Variants in RBPJ observed in about 807,000 individuals in gnomAD.
The protein encoded by RBPJ is recombining binding protein suppressor of hairless.
RBPJ carries 9 observed loss-of-function variants against 67.8 expected under a neutral mutation model. That is an observed-to-expected ratio of 0.13 (90% CI 0.08 to 0.23). The LOEUF (loss-of-function observed/expected upper bound fraction) is 0.23. Ranked by LOEUF, RBPJ falls within the 10% of genes least tolerant of loss-of-function variation. The pLI is 1.00. For missense variants in RBPJ, 305 were observed against 595.6 expected (o/e 0.51, Z 5.08); for synonymous variants, 198 against 203.3 (o/e 0.97, Z 0.22).
intron 1 of RBPJ, among the ~76,000 whole-genome samples, chr4:26,308,118 T>C (rs2109304935): frequency 6.6e-6 from 1 of 152,120 alleles, no homozygotes; most frequent in Admixed American, 6.5e-5. Flanking sequence ...CTACTAAAAA[T>C]ACAAAAAATT....
At chr4:26,114,478 C>CATATATATATATATATATATATATAT in the RBPJ span, among the ~76,000 whole-genome samples, 357 of 122,922 alleles carry the variant, frequency 2.9e-3, 4 homozygotes, top group Non-Finnish European at 4.5e-3. Flanking sequence ...AAAGAATGTA[C>CATATATATATATATATATATATATAT]ATATATATAT....
chr4:26,119,641 C>T, the RBPJ span, among the ~76,000 whole-genome samples: 1 of 152,174 alleles, frequency 6.6e-6, no homozygotes, highest in Non-Finnish European at 1.5e-5. Flanking sequence ...TTTTGGTTCA[C>T]CCATGATGTT....
chr4:26,327,003 G>C (rs1723691996), intron 1 of RBPJ, among the ~76,000 whole-genome samples: 1 of 152,098 alleles, frequency 6.6e-6, no homozygotes, highest in Non-Finnish European at 1.5e-5. Flanking sequence ...CAGCTTTTTG[G>C]GGTCTATTTC....
intron 1 of RBPJ, among the ~76,000 whole-genome samples, chr4:26,373,915 C>CTTTTTTTTTTTT (rs765161799): frequency 1.8e-5 from 2 of 113,286 alleles, no homozygotes; most frequent in Non-Finnish European, 3.5e-5. Flanking sequence ...TTATTTTTTA[C>CTTTTTTTTTTTT]TTTTTTTTTT....
At chr4:26,146,609 A>C in the RBPJ span, among the ~76,000 whole-genome samples, 1 of 152,184 alleles carries the variant, frequency 6.6e-6, no homozygotes, top group African/African-American at 2.4e-5. Context: ...CAAGCACAAG[A>C]CTGGGAGAAA....
chr4:26,288,772 T>C (rs1721564544), intron 1 of RBPJ, among the ~76,000 whole-genome samples: 1 of 152,206 alleles, frequency 6.6e-6, no homozygotes, highest in Admixed American at 6.5e-5. Context: ...TGTTTTCTCA[T>C]TGGGTTGTCA....
upstream of RBPJ, among the ~76,000 whole-genome samples, chr4:26,160,348 C>G (rs1251402375): frequency 6.6e-6 from 1 of 152,158 alleles, no homozygotes; most frequent in Non-Finnish European, 1.5e-5. Context: ...CAATTAGGTG[C>G]CCAAGTGTCA....
chr4:26,219,763 G>GT (rs1168574433), intron 1 of RBPJ, among the ~76,000 whole-genome samples: 25 of 151,748 alleles, frequency 1.6e-4, no homozygotes, highest in African/African-American at 2.9e-4. Context: ...GCAGAGTCAG[G>GT]TTTTTTTTGT....
intron 3 of RBPJ, among the ~76,000 whole-genome samples, chr4:26,412,652 C>T (rs571724531): frequency 5.9e-5 from 9 of 152,176 alleles, no homozygotes; most frequent in Non-Finnish European, 1.2e-4. Flanking sequence ...AATACACAAC[C>T]TGTACTAAAA....
rs1160954965 is a variant in RBPJ at position 26,235,738 on chromosome 4, T to A, written c.-167+72124T>A. 3.9e-5 allele frequency among the ~76,000 whole-genome samples: 6 copies of A among 152,238 alleles called. No individual in the cohort carries two copies. The East Asian group carries it at 1.2e-3, about 29-fold the overall frequency. On this transcript the variant is annotated intron_variant, in intron 1 of 4. Coordinates refer to the RBPJ transcript ENST00000512351. ...CAGTGTAAACCATACTCAGAAATTA[T>A]GTTTTCCTGTCCTTTGCTCTCCAAG...
chr4:26,116,557 C>T, the RBPJ span, among the ~76,000 whole-genome samples: 26 of 152,346 alleles, frequency 1.7e-4, no homozygotes, highest in East Asian at 4.8e-3. Context: ...TGGGACTGTC[C>T]TCTCAGCTCC....
intron 1 of RBPJ, among the ~76,000 whole-genome samples, chr4:26,281,518 G>A (rs879918653): frequency 2.6e-5 from 4 of 152,068 alleles, no homozygotes; most frequent in East Asian, 1.9e-4. Context: ...GACCTCAGGC[G>A]ATCCACTCGC....
At chr4:26,408,957 T>G (rs1000569251) in intron 3 of RBPJ, among the ~76,000 whole-genome samples, 65 of 152,238 alleles carry the variant, frequency 4.3e-4, no homozygotes, top group Non-Finnish European at 2.5e-4. Context: ...ATTACCTAGG[T>G]GAGATTGGGC....
chr4:26,394,705 A>T (rs1253704359), intron 2 of RBPJ, among the ~76,000 whole-genome samples: 1 of 152,038 alleles, frequency 6.6e-6, no homozygotes, highest in African/African-American at 2.4e-5. Flanking sequence ...TAAAAAAGAG[A>T]TATTATTCGA....
intron 1 of RBPJ, among the ~76,000 whole-genome samples, chr4:26,191,070 T>A (rs2109140371): frequency 7.3e-6 from 1 of 137,868 alleles, no homozygotes; most frequent in African/African-American, 2.8e-5. Flanking sequence ...GATGATCACA[T>A]GAGCCCAGTA....
At chr4:26,151,760 ATC>A in the RBPJ span, among the ~76,000 whole-genome samples, 4 of 152,140 alleles carry the variant, frequency 2.6e-5, no homozygotes, top group East Asian at 1.9e-4. Context: ...GTCATTACAA[ATC>A]TCTGTTTGTT....
At chr4:26,360,775 T>C (rs1200326542) in intron 1 of RBPJ, among the ~76,000 whole-genome samples, 1 of 151,234 alleles carries the variant, frequency 6.6e-6, no homozygotes, top group Admixed American at 6.6e-5. Flanking sequence ...ATTTTTTTTT[T>C]CTTTTGGTAT....
At chr4:26,385,081 C>T (rs1331676891) in intron 1 of RBPJ, among the ~76,000 whole-genome samples, 3 of 145,988 alleles carry the variant, frequency 2.1e-5, no homozygotes, top group Non-Finnish European at 3.0e-5. Flanking sequence ...AGTGCAGTGG[C>T]GTGATCTTGG....
At chr4:26,188,252 A>C (rs781738282) in intron 1 of RBPJ, among the ~76,000 whole-genome samples, 2 of 152,100 alleles carry the variant, frequency 1.3e-5, no homozygotes, top group Non-Finnish European at 2.9e-5. Context: ...AGTAGATGAG[A>C]AGAGAAAGAA....
Sources: allele counts gnomAD v4.1 joint callset (sites outside exome capture counted in the v4.1 genomes callset), GRCh38; gene constraint gnomAD v4.1.1; transcripts MANE v1.5; gene names NCBI Gene and HGNC (gene_info 2026-07-23, HGNC 2026-07-21).